Variants in DNASE2B observed in about 807,000 individuals in gnomAD.
The protein encoded by DNASE2B is deoxyribonuclease 2 beta.
A neutral mutation model predicts 46.0 loss-of-function variants in DNASE2B; 43 were observed. The observed-to-expected ratio is 0.94, with a 90% CI of 0.73 to 1.21. The LOEUF is 1.21. Among genes scored for constraint, DNASE2B ranks in the 50% most tolerant of loss-of-function variants. The pLI, the probability that DNASE2B is intolerant of heterozygous loss-of-function variation, is 0.00. For missense variants in DNASE2B, 395 were observed against 414.4 expected (o/e 0.95, Z 0.41); for synonymous variants, 156 against 152.5 (o/e 1.02, Z -0.17).
rs773513734 is a variant in DNASE2B at position 84,401,901 on chromosome 1, G to T, written c.126G>T (p.Trp42Cys). Residue 42 changes from tryptophan to cysteine, a missense_variant and splice_region_variant, in exon 2 of 6, where the codon TGG becomes TGT. By Grantham distance (215) the Trp-to-Cys change is radical. Coordinates refer to ENST00000370665, the MANE Select transcript of DNASE2B (RefSeq NM_021233.3). ...AATTCATAATCATTTTGTCTGTTAGGTTTACTTTTTATAAGTTACCTAAAA... is the reference window on the plus strand; with the variant it reads ...AATTCATAATCATTTTGTCTGTTAGTTTTACTTTTTATAAGTTACCTAAAA... The part of the protein sequence containing the change: ...CRNEEGKAVD[W>C]FTFYKLPKRQ... 8 of 1,498,820 alleles carry T rather than the reference G, an allele frequency of 5.3e-6. No individual in the cohort carries two copies. The Admixed American group carries it at 1.1e-4, about 21-fold the overall frequency. The allele number at this position is 1,498,820 out of a possible 1,614,324, so 92.8% of individuals were successfully genotyped here.
At chr1:84,400,631 A>G (rs1323724946) in intron 1 of DNASE2B, among the ~76,000 whole-genome samples, 1 of 152,210 alleles carries the variant, frequency 6.6e-6, no homozygotes, top group African/African-American at 2.4e-5. Context: ...GTCACCCAGG[A>G]AAAATGTTTA....
chr1:84,403,218 T>C (rs1324307282), intron 2 of DNASE2B, among the ~76,000 whole-genome samples: 1 of 152,200 alleles, frequency 6.6e-6, no homozygotes, highest in Non-Finnish European at 1.5e-5. Flanking sequence ...CCGGCCCTCA[T>C]GCCGTCAAAA....
At chr1:84,403,938 C>T (rs994428634) in intron 2 of DNASE2B, among the ~76,000 whole-genome samples, 2 of 148,950 alleles carry the variant, frequency 1.3e-5, no homozygotes, top group African/African-American at 5.0e-5. Flanking sequence ...AGGCATGCAC[C>T]ACCATGCCTG....
chr1:84,408,450 C>T lies in DNASE2B; in HGVS notation c.317C>T (p.Ala106Val), dbSNP rs760389591. 4.3e-6 allele frequency: 7 copies of T among 1,609,214 alleles called. No homozygotes were observed. The Admixed American group carries it at 1.2e-4, about 27-fold the overall frequency. Reference protein sequence around the residue: ...EAYASKSNNTAYLIYNDGVPK... With the variant: ...EAYASKSNNTVYLIYNDGVPK... ...ATATTCCTGCAGAGTAACAACACAG[C>T]CTATCTAATATACAATGATGGAGTC... Residue 106 changes from alanine (A) to valine (V), a missense_variant, in exon 3 of 6, where the codon GCC (alanine) becomes GTC (valine). By Grantham distance (64) the Ala-to-Val change is moderately conservative. Coordinates refer to ENST00000370665, the MANE Select transcript of DNASE2B (RefSeq NM_021233.3).
At chr1:84,411,462 GTGTGTGTGTGTGTGTGTGTGTC>G (rs1399522035) in intron 4 of DNASE2B, among the ~76,000 whole-genome samples, 28 of 139,708 alleles carry the variant, frequency 2.0e-4, no homozygotes, top group Non-Finnish European at 2.9e-4. Flanking sequence ...GTGTGTGTGT[GTGTGTGTGTGTGTGTGTGTGTC>G]AGAGAGAGAG....
chr1:84,406,336 G>C (rs1389228873), intron 2 of DNASE2B, among the ~76,000 whole-genome samples: 2 of 152,104 alleles, frequency 1.3e-5, no homozygotes, highest in African/African-American at 4.8e-5. Flanking sequence ...ACATTGTAAA[G>C]CCTCTATCAT....
chr1:84,399,924 T>A (rs1359974160), intron 1 of DNASE2B, among the ~76,000 whole-genome samples: 1 of 152,132 alleles, frequency 6.6e-6, no homozygotes, highest in African/African-American at 2.4e-5. Context: ...CTAGAATCAC[T>A]GAGACCAGGA....
intron 2 of DNASE2B, among the ~76,000 whole-genome samples, chr1:84,408,021 C>T (rs1452397158): frequency 6.6e-6 from 1 of 152,166 alleles, no homozygotes; most frequent in Non-Finnish European, 1.5e-5. Context: ...CAGTTCTGCA[C>T]TGTGCCTATA....
intron 1 of DNASE2B, among the ~76,000 whole-genome samples, chr1:84,400,018 A>G (rs1359725940): frequency 1.3e-5 from 2 of 152,164 alleles, no homozygotes; most frequent in Non-Finnish European, 2.9e-5. Context: ...GGACATGCTG[A>G]GAAGACTTGG....
chr1:84,404,106 TA>T (rs1183598743), intron 2 of DNASE2B, among the ~76,000 whole-genome samples: 1 of 152,026 alleles, frequency 6.6e-6, no homozygotes, highest in Non-Finnish European at 1.5e-5. Flanking sequence ...GCACCCAGCC[TA>T]AAAGCAGCCT....
chr1:84,414,399 G>A (rs1680655946), intron 5 of DNASE2B, 129 bp from the exon 6 acceptor site: 1 of 742,846 alleles, frequency 1.3e-6, no homozygotes, highest in Non-Finnish European at 2.1e-6. Context: ...TCTCAATTAT[G>A]TTGTTATTAT....
chr1:84,413,176 A>G (rs1680632878), intron 5 of DNASE2B, among the ~76,000 whole-genome samples: 2 of 151,108 alleles, frequency 1.3e-5, no homozygotes, highest in Admixed American at 6.6e-5. Flanking sequence ...CCCTCCCTCA[A>G]CTCTAAAGCA....
intron 3 of DNASE2B, 59 bp from the exon 4 acceptor site, chr1:84,410,779 C>G (rs1308985793): frequency 2.4e-5 from 37 of 1,539,582 alleles, no homozygotes; most frequent in Middle Eastern, 1.7e-4. Context: ...CACTGTGAAC[C>G]CTATTATAAA....
chr1:84,406,592 G>A (rs1292167442), intron 2 of DNASE2B, among the ~76,000 whole-genome samples: 1 of 152,184 alleles, frequency 6.6e-6, no homozygotes, highest in Non-Finnish European at 1.5e-5. Flanking sequence ...CACATGCAAT[G>A]TCTTGAGTGA....
intron 3 of DNASE2B, 41 bp downstream of exon 3, chr1:84,408,559 C>G (rs3116406): frequency 0.34 from 524,620 of 1,548,366 alleles, 90,554 homozygotes; most frequent in East Asian, 0.46. Context: ...TACTGGAAAT[C>G]AACAATTTCT....
In DNASE2B at chr1:84,410,780, C is replaced by T. The variant is rs560230820; in HGVS notation, c.386-58C>T. On this transcript the variant is annotated intron_variant, in intron 3 of 5. Coordinates refer to ENST00000370665, the MANE Select transcript of DNASE2B (RefSeq NM_021233.3). ...GGCTTAAATGTTGCCACTGTGAACC[C>T]TATTATAAAAGAAGCTTTGTTTTTC... 401 of 1,547,514 alleles carry T rather than the reference C, an allele frequency of 2.6e-4. 1 individual carries two copies. In the Middle Eastern group the frequency reaches 3.4e-3, roughly 13 times the overall value.
intron 3 of DNASE2B, among the ~76,000 whole-genome samples, chr1:84,409,198 A>G (rs1275832633): frequency 6.6e-6 from 1 of 152,174 alleles, no homozygotes; most frequent in Non-Finnish European, 1.5e-5. Context: ...TCTAAAATAC[A>G]TATTTTAAAA....
At chr1:84,408,610 T>C (rs1488635987) in intron 3 of DNASE2B, 92 bp downstream of exon 3, 3 of 1,023,466 alleles carry the variant, frequency 2.9e-6, no homozygotes, top group Admixed American at 3.1e-5. Context: ...CCATACTAAA[T>C]AGATAGCCTT....
At chr1:84,401,285 G>A (rs1482160469) in intron 1 of DNASE2B, among the ~76,000 whole-genome samples, 1 of 152,198 alleles carries the variant, frequency 6.6e-6, no homozygotes, top group African/African-American at 2.4e-5. Flanking sequence ...TGTGAATAGA[G>A]CACACTGAGA....
Sources: allele counts gnomAD v4.1 joint callset (sites outside exome capture counted in the v4.1 genomes callset), GRCh38; gene constraint gnomAD v4.1.1; transcripts MANE v1.5; gene names NCBI Gene and HGNC (gene_info 2026-07-23, HGNC 2026-07-21).